HOXB6: variants seen among roughly 807,000 people sequenced by gnomAD.
The protein encoded by HOXB6 is homeobox protein Hox-B6.
A neutral mutation model predicts 24.2 loss-of-function variants in HOXB6; 18 were observed. The observed-to-expected ratio is 0.74, with a 90% CI of 0.51 to 1.10. The LOEUF is 1.10. Among genes scored for constraint, HOXB6 ranks in the 50% least tolerant of loss-of-function variants. The pLI, the probability that HOXB6 is intolerant of heterozygous loss-of-function variation, is 0.00. For synonymous variants in HOXB6, 159 were observed against 139.1 expected (o/e 1.14, Z -1.01); for missense variants, 332 against 308.3 (o/e 1.08, Z -0.58).
Position 48,596,684 on chromosome 17 carries a change from A to C in HOXB6, c.416-12T>G. 6.2e-7 allele frequency: 1 copy of C among 1,611,086 alleles called. No individual in the cohort carries two copies. ...CCCAAAGGAGGAACCTGTTACGCAGAGTGGAGATGCTGAGGCCTGCGGTCA... is the reference window on the plus strand; with the variant it reads ...CCCAAAGGAGGAACCTGTTACGCAGCGTGGAGATGCTGAGGCCTGCGGTCA... On this transcript the variant is annotated splice_polypyrimidine_tract_variant and intron_variant, in intron 3 of 3. Transcript: ENST00000225648. This position sits in a 1 kb window ranked among gnomAD's most constrained non-coding sequence, Gnocchi z 4.8.
In HOXB6 at chr17:48,596,306, A is replaced by G. The variant is rs1263352464; in HGVS notation, c.*107T>C. 2.5e-5 allele frequency: 38 copies of G among 1,522,670 alleles called. No individual in the cohort carries two copies. Among genetic ancestry groups the G allele is most frequent in the Non-Finnish European group, 3.4e-5 (37 of 1,100,834 alleles). 94.3% of individuals were successfully genotyped at this position (1,522,670 alleles called of 1,614,324 possible). On this transcript the variant is annotated 3_prime_UTR_variant, in exon 4 of 4. Transcript: ENST00000225648. The surrounding 1 kb of genome is among the most constrained non-coding windows in gnomAD (Gnocchi z 4.8). Reference sequence around the variant, plus strand: ...GCCCCGCCTGTCTGCGCCGGAGAGCAGGTCTCCTGGCTCCCCCACCCGAGA... The same window carrying G: ...GCCCCGCCTGTCTGCGCCGGAGAGCGGGTCTCCTGGCTCCCCCACCCGAGA...
chr17:48,597,616 T>G (rs1254008689), intron 3 of HOXB6, 120 bp downstream of exon 3: 5 of 1,095,758 alleles, frequency 4.6e-6, no homozygotes, highest in Non-Finnish European at 6.8e-6. Flanking sequence ...TTCTATCTCC[T>G]AACTGAGATG....
intron 2 of HOXB6, among the ~76,000 whole-genome samples, chr17:48,598,760 C>T (rs913328296): frequency 1.2e-4 from 18 of 152,170 alleles, no homozygotes; most frequent in African/African-American, 4.3e-4. Flanking sequence ...GAAGAGTTCT[C>T]CGCTAAGATA....
intron 2 of HOXB6, among the ~76,000 whole-genome samples, chr17:48,600,720 A>G (rs2070440246): frequency 6.6e-6 from 1 of 152,184 alleles, no homozygotes; most frequent in Non-Finnish European, 1.5e-5. Flanking sequence ...CAGCGGGCTC[A>G]GCCATCCGCC....
At chr17:48,600,664 G>C (rs930523281) in intron 2 of HOXB6, 2 of 396,922 alleles carry the variant, frequency 5.0e-6, no homozygotes, top group Admixed American at 5.6e-5. Flanking sequence ...TCTGTGGTTC[G>C]GTCCACCGCC....
At chr17:48,598,388 C>G (rs1051736034) in intron 2 of HOXB6, 160 bp from the exon 3 acceptor site, 1 of 477,166 alleles carries the variant, frequency 2.1e-6, no homozygotes. Flanking sequence ...GCACGAGGGA[C>G]CCGCGCACAA....
chr17:48,603,402 C>G (rs150377760), intron 2 of HOXB6, among the ~76,000 whole-genome samples: 10 of 152,202 alleles, frequency 6.6e-5, no homozygotes, highest in Admixed American at 1.3e-4. Flanking sequence ...ATTGGACACC[C>G]GAGGGACGGG....
chr17:48,602,263 C>T (rs989293809), intron 2 of HOXB6: 2 of 455,734 alleles, frequency 4.4e-6, no homozygotes, highest in East Asian at 6.9e-5. Context: ...GTGGAACTGA[C>T]GGGGCCGGCG....
At chr17:48,599,023 G>A (rs115688548) in intron 2 of HOXB6, among the ~76,000 whole-genome samples, 97 of 152,324 alleles carry the variant, frequency 6.4e-4, no homozygotes, top group African/African-American at 2.3e-3. Context: ...CGACGAGGGT[G>A]GCTGCCCAAA....
chr17:48,596,978 C>A lies in HOXB6; in HGVS notation c.416-306G>T. 1 of 1,291,486 alleles carries A rather than the reference C, an allele frequency of 7.7e-7. No homozygotes were observed. Among genetic ancestry groups the A allele is most frequent in the South Asian group, 1.6e-5 (1 of 63,702 alleles). The allele number at this position is 1,291,486 out of a possible 1,614,324, so 80.0% of individuals were successfully genotyped here. On this transcript the variant is annotated intron_variant, in intron 3 of 3. Transcript: ENST00000225648. The surrounding 1 kb of genome is among the most constrained non-coding windows in gnomAD (Gnocchi z 4.8). ...TGCATCTTGTCTTTCCCTCCCTTTC[C>A]ATCCATCTTGTTCCCACCCCCCGTC... is the stretch of plus-strand genomic sequence containing the variant.
rs948199845 is a variant in HOXB6 at position 48,596,056 on chromosome 17, G to A, written c.*357C>T. 8.2e-6 allele frequency: 4 copies of A among 487,460 alleles called. No individual in the cohort carries two copies. Among genetic ancestry groups the A allele is most frequent in the African/African-American group, 5.8e-5 (3 of 51,388 alleles). 30.2% of individuals were successfully genotyped at this position (487,460 alleles called of 1,614,324 possible). A position where few individuals can be genotyped will look rare whatever the true frequency, so the allele number is the denominator to read the frequency against. On this transcript the variant is annotated 3_prime_UTR_variant, in exon 4 of 4. Transcript: ENST00000225648. The surrounding 1 kb of genome is among the most constrained non-coding windows in gnomAD (Gnocchi z 4.8). Reference sequence around the variant, plus strand: ...GCGAATCTACCATTGAACCGTGCACGGGGGACATGGACAAAATGAGACGCG... The same window carrying A: ...GCGAATCTACCATTGAACCGTGCACAGGGGACATGGACAAAATGAGACGCG...
In HOXB6 at chr17:48,598,073, C is replaced by T. The variant is rs1382333035; in HGVS notation, c.78G>A (p.Pro26=). ...GGTCCGCATAGCCCGACGAATAGAG[C>T]GGTAGCTGGCCCAGGAAGGACTCCT... ...SGQESFLGQL[P]LYSSGYADPL... Residue 26 remains proline (P), a synonymous_variant, in exon 3 of 4, where the codon CCG becomes CCA. Coordinates refer to ENST00000225648, the MANE Select transcript of HOXB6 (RefSeq NM_018952.5). 5 of 1,604,854 alleles carry T rather than the reference C, an allele frequency of 3.1e-6. No individual in the cohort carries two copies. Among genetic ancestry groups the T allele is most frequent in the Non-Finnish European group, 4.3e-6 (5 of 1,175,540 alleles).
chr17:48,598,102 C>T lies in HOXB6; in HGVS notation c.49G>A (p.Gly17Arg), dbSNP rs764141745. ...NSTFPVTLAS[G>R]QESFLGQLPL... is the part of the protein sequence containing the mutation. Reference sequence around the variant, plus strand: ...AGCTGGCCCAGGAAGGACTCCTGCCCGCTGGCCAGAGTGACGGGGAAGGTG... The same window carrying T: ...AGCTGGCCCAGGAAGGACTCCTGCCTGCTGGCCAGAGTGACGGGGAAGGTG... The change falls in exon 3 of 4, where the codon GGG becomes AGG. Residue 17 changes from glycine (G) to arginine (R), a missense_variant. By Grantham distance (125) the Gly-to-Arg change is moderately radical. Transcript: ENST00000225648. The T allele has an allele frequency of 5.6e-6, 9 of 1,600,288 alleles. No homozygotes were observed. The highest frequency in any genetic ancestry group is 2.2e-5 in the East Asian group (1 of 44,458).
chr17:48,600,108 C>A (rs2070422571), intron 2 of HOXB6, among the ~76,000 whole-genome samples: 1 of 151,944 alleles, frequency 6.6e-6, no homozygotes, highest in South Asian at 2.1e-4. Context: ...AAATTTAAAC[C>A]CCCTGATAAT....
chr17:48,597,169 C>T (rs1038476925), intron 3 of HOXB6: 2 of 786,996 alleles, frequency 2.5e-6, no homozygotes, highest in African/African-American at 1.8e-5. Flanking sequence ...GTTTCTCCCT[C>T]TCTCGCTCCG....
Position 48,596,560 on chromosome 17 carries a change from G to GCGC in HOXB6, c.525_527dup (p.Arg176dup), listed in dbSNP as rs1567972448. ...GGCACAGGGCGTGCGCGATCTCGATGCGCCGCCGCCGCGTCAGGTAGCGAT... is the reference window on the plus strand; with the variant it reads ...GGCACAGGGCGTGCGCGATCTCGATGCGCCGCCGCCGCCGCGTCAGGTAGCGAT... On this transcript the variant is annotated inframe_insertion, in exon 4 of 4. Coordinates refer to ENST00000225648, the MANE Select transcript of HOXB6 (RefSeq NM_018952.5). This position sits in a 1 kb window ranked among gnomAD's most constrained non-coding sequence, Gnocchi z 4.8. 2 of 1,614,238 alleles carry GCGC rather than the reference G, an allele frequency of 1.2e-6. No homozygotes were observed. The highest frequency in any genetic ancestry group is 1.7e-6 in the Non-Finnish European group (2 of 1,180,050).
At chr17:48,601,747 T>C in intron 2 of HOXB6, 1 of 209,352 alleles carries the variant, frequency 4.8e-6, no homozygotes, top group South Asian at 6.9e-5. Context: ...GGCCAGACTC[T>C]GGCAACACCT....
At position 48,597,815 on chromosome 17, in the gene HOXB6, C is replaced by T. The variant is rs760268623; in HGVS notation, c.336G>A (p.Lys112=). The part of the protein sequence containing the change: ...EPRKSDCAQD[K]SVFGETEEQK... ...GCTCTTCTGTCTCGCCGAACACGCT[C>T]TTGTCCTGCGCGCAGTCCGACTTCC... Residue 112 remains lysine (K), a synonymous_variant, in exon 3 of 4, where the codon AAG becomes AAA. Coordinates refer to ENST00000225648, the MANE Select transcript of HOXB6 (RefSeq NM_018952.5). 22 of 1,608,592 alleles carry T rather than the reference C, an allele frequency of 1.4e-5. No individual in the cohort carries two copies. The African/African-American group carries it at 2.9e-4, about 22-fold the overall frequency.
Position 48,596,726 on chromosome 17 carries a change from C to A in HOXB6, c.416-54G>T, listed in dbSNP as rs2070309228. 12 of 1,601,758 alleles carry A rather than the reference C, an allele frequency of 7.5e-6. No individual in the cohort carries two copies. The highest frequency in any genetic ancestry group is 1.0e-5 in the Non-Finnish European group (12 of 1,179,348). ...CTGCGGTCACCGGGCCCAGGACCCC[C>A]TCCCCTAGTCGACCCTCGAACACAG... is the stretch of plus-strand genomic sequence containing the variant. On this transcript the variant is annotated intron_variant, in intron 3 of 3. Transcript: ENST00000225648. The surrounding 1 kb of genome is among the most constrained non-coding windows in gnomAD (Gnocchi z 4.8).
Sources: gnomAD v4.1 joint callset for allele counts (sites outside exome capture counted in the v4.1 genomes callset) on GRCh38, gnomAD v4.1.1 for gene constraint, Gnocchi (gnomAD v3.1) non-coding constraint, MANE v1.5 for transcripts, NCBI Gene and HGNC (gene_info 2026-07-23, HGNC 2026-07-21) for gene names.